Variants in OCSTAMP observed in about 807,000 individuals in gnomAD.
The protein encoded by OCSTAMP is osteoclast stimulatory transmembrane protein.
In OCSTAMP, 17 loss-of-function variants were observed where a neutral mutation model predicts 25.2. The observed-to-expected ratio is 0.68, with a 90% confidence interval of 0.46 to 1.01. The LOEUF (loss-of-function observed/expected upper bound fraction) is 1.01, where lower values mean the gene tolerates loss of function less well. Ranked by LOEUF, OCSTAMP falls within the 50% of genes least tolerant of loss-of-function variation. The probability of loss-of-function intolerance (pLI) is 0.00; values close to 1 mark genes in which losing one functional copy is unlikely to be tolerated. For synonymous variants in OCSTAMP, 345 were observed against 318.9 expected (o/e 1.08, Z -0.87); for missense variants, 664 against 694.6 (o/e 0.96, Z 0.50).
Position 46,546,152 on chromosome 20 carries a change from C to T in OCSTAMP, c.222G>A (p.Leu74=), listed in dbSNP as rs1050911892. 6.4e-7 allele frequency: 1 copy of T among 1,551,772 alleles called. No homozygotes were observed. Among genetic ancestry groups the T allele is most frequent in the Admixed American group, 2.0e-5 (1 of 51,016 alleles). The part of the protein sequence containing the change: ...GLVYHWLASL[L]LYPPGPSAMV... ...TGGCTGAAGGTCCAGGAGGATAAAG[C>T]AGCAAGGATGCCAGCCAGTGATAAA... The change falls in exon 2 of 3, where the codon CTG becomes CTA. Residue 74 remains leucine, a synonymous_variant. Transcript: ENST00000279028.
At position 46,549,962 on chromosome 20, in the gene OCSTAMP, C is replaced by T. The variant is rs1345296968; in HGVS notation, c.44+555G>A. Among the ~76,000 whole-genome samples the T allele has an allele frequency of 3.3e-5, 5 of 152,170 alleles. No individual in the cohort carries two copies. The East Asian group carries it at 9.7e-4, about 29-fold the overall frequency. ...TAGCTGGAGCTGAGTATCCACTACC[C>T]ACCTTTGACAGGGGAGCAGCCCTGC... On this transcript the variant is annotated intron_variant, in intron 1 of 2. Transcript: ENST00000279028.
In OCSTAMP at chr20:46,545,993, A is replaced by G. The variant is rs184507425; in HGVS notation, c.381T>C (p.Thr127=). 8.8e-3 allele frequency: 13,612 copies of G among 1,551,404 alleles called. 65 individuals carry two copies. Among genetic ancestry groups the G allele is most frequent in the Non-Finnish European group, 0.011 (12,384 of 1,146,992 alleles). ...GCACCACAGCAATGGCCAGGGTGGCAGTGCTGTAGGACAGGAGCAGCCGGC... is the reference window on the plus strand; with the variant it reads ...GCACCACAGCAATGGCCAGGGTGGCGGTGCTGTAGGACAGGAGCAGCCGGC... ...QGRRLLLSYS[T]ATLAIAVVPN... is the part of the protein sequence containing the mutation. The change falls in exon 2 of 3, where the codon ACT becomes ACC. Residue 127 remains threonine (T), a synonymous_variant. Transcript: ENST00000279028.
In OCSTAMP at chr20:46,545,925, C is replaced by T. The variant is rs1290698120; in HGVS notation, c.449G>A (p.Arg150Lys). 4 of 1,551,254 alleles carry T rather than the reference C, an allele frequency of 2.6e-6. No homozygotes were observed. The highest frequency in any genetic ancestry group is 2.0e-5 in the Admixed American group (1 of 50,998). Reference protein sequence around the residue: ...ANVGAAGQVLRCVTEGSLESL... With the variant: ...ANVGAAGQVLKCVTEGSLESL... Reference sequence around the variant, plus strand: ...CTCCAGGGAGCCCTCGGTGACACACCTCAGCACCTGCCCGGCCGCACCCAC... The same window carrying T: ...CTCCAGGGAGCCCTCGGTGACACACTTCAGCACCTGCCCGGCCGCACCCAC... Residue 150 changes from arginine (R) to lysine (K), a missense_variant, in exon 2 of 3, where the codon AGG becomes AAG. Physicochemically the swap from Arg to Lys is conservative, Grantham distance 26. Coordinates refer to ENST00000279028, the MANE Select transcript of OCSTAMP (RefSeq NM_080721.3).
chr20:46,543,623 TCCATGCCCAGCCC>T (rs954354196), intron 2 of OCSTAMP, among the ~76,000 whole-genome samples: 3 of 152,100 alleles, frequency 2.0e-5, no homozygotes, highest in Non-Finnish European at 4.4e-5. Flanking sequence ...GGCATGAGCC[TCCATGCCCAGCCC>T]CCTATTTTTC....
chr20:46,547,975 G>T (rs1217899921), intron 1 of OCSTAMP, among the ~76,000 whole-genome samples: 1 of 152,186 alleles, frequency 6.6e-6, no homozygotes, highest in Non-Finnish European at 1.5e-5. Context: ...GGTGGGGCTG[G>T]TCTTAGAATA....
In OCSTAMP at chr20:46,543,082, CAG is replaced by C. The variant is rs201905666; in HGVS notation, c.1048-1157_1048-1156del. 8.5e-3 allele frequency among the ~76,000 whole-genome samples: 1,289 copies of C among 152,232 alleles called. 8 individuals are homozygous for C. The highest frequency in any genetic ancestry group is 0.024 in the Middle Eastern group (7 of 294). ...AAGCCTCAGAGACTGACTCCTCGGCCAGAGTCATTCAGAAAAGTCAGATTGAA... is the reference window on the plus strand; with the variant it reads ...AAGCCTCAGAGACTGACTCCTCGGCCAGTCATTCAGAAAAGTCAGATTGAA... On this transcript the variant is annotated intron_variant, in intron 2 of 2. Transcript: ENST00000279028.
rs1481912719 is a variant in OCSTAMP, at chr20:46,546,327, C to T, written c.47G>A (p.Trp16Ter). Residue 16 changes from tryptophan (W) to a stop codon, truncating the protein, a stop_gained and splice_region_variant, in exon 2 of 3, where the codon TGG becomes TAG. Transcript: ENST00000279028. LOFTEE classifies it high-confidence loss of function. ...GAAEQLVKTG[W>*]RSWHLGFWKA... ...CCAGAACCCCAAGTGCCAGGACCTC[C>T]ACCTGCACACAAGGAAATTGAAGGG... The T allele has an allele frequency of 6.5e-7, 1 of 1,546,648 alleles. No homozygotes were observed. Among genetic ancestry groups the T allele is most frequent in the Non-Finnish European group, 8.7e-7 (1 of 1,145,120 alleles).
chr20:46,550,010 G>T (rs540292283), intron 1 of OCSTAMP, among the ~76,000 whole-genome samples: 3 of 152,284 alleles, frequency 2.0e-5, no homozygotes, highest in South Asian at 2.1e-4. Context: ...GCTGATCAAT[G>T]AACGGGTCCG....
intron 2 of OCSTAMP, among the ~76,000 whole-genome samples, chr20:46,543,305 C>CCTTCCTTT (rs1555872066): frequency 1.5e-4 from 19 of 128,398 alleles, no homozygotes; most frequent in African/African-American, 4.8e-4. Context: ...CTTTCTCTTT[C>CCTTCCTTT]CTTTCTTTCT....
At position 46,545,837 on chromosome 20, in the gene OCSTAMP, C is replaced by T. The variant is rs2061850152; in HGVS notation, c.537G>A (p.Gln179=). The T allele has an allele frequency of 6.4e-7, 1 of 1,551,308 alleles. No homozygotes were observed. The highest frequency in any genetic ancestry group is 2.4e-5 in the East Asian group (1 of 40,912). The part of the protein sequence containing the change: ...AASRALGPTG[Q]AGSRGLTFEA... ...CAAATGTCAGGCCCCGGCTGCCTGCCTGGCCTGTGGGGCCCAGAGCCCTGG... is the reference window on the plus strand; with the variant it reads ...CAAATGTCAGGCCCCGGCTGCCTGCTTGGCCTGTGGGGCCCAGAGCCCTGG... Residue 179 remains glutamine, a synonymous_variant, in exon 2 of 3, where the codon CAG becomes CAA. Transcript: ENST00000279028.
rs1265099487 is a variant in OCSTAMP at position 46,550,569 on chromosome 20, A to G, written c.-9T>C. On this transcript the variant is annotated 5_prime_UTR_variant, in exon 1 of 3. Coordinates refer to ENST00000279028, the MANE Select transcript of OCSTAMP (RefSeq NM_080721.3). Reference sequence around the variant, plus strand: ...CCTGGGTGGCCTGGCATGCTGTCCAAATGGCAGTGGTTTCAGGCGGGCGGT... The same window carrying G: ...CCTGGGTGGCCTGGCATGCTGTCCAGATGGCAGTGGTTTCAGGCGGGCGGT... 4.5e-6 allele frequency: 7 copies of G among 1,551,514 alleles called. No homozygotes were observed. The South Asian group carries it at 5.9e-5, about 13-fold the overall frequency.
chr20:46,541,009 G>T lies in OCSTAMP; in HGVS notation c.*265C>A. The T allele has an allele frequency of 2.6e-6, 1 of 379,734 alleles. No homozygotes were observed. The highest frequency in any genetic ancestry group is 4.8e-6 in the Non-Finnish European group (1 of 210,332). The allele number at this position is 379,734 out of a possible 1,614,324, so 23.5% of individuals were successfully genotyped here. On this transcript the variant is annotated 3_prime_UTR_variant, in exon 3 of 3. Coordinates refer to ENST00000279028, the MANE Select transcript of OCSTAMP (RefSeq NM_080721.3). The stretch of plus-strand genomic sequence containing the variant: ...CAATGGAAAGGCCCTGAAGGAATTT[G>T]AGGCAGAGGAATAACGTAATCTAAG...
In OCSTAMP at chr20:46,546,098, G is replaced by A. The variant is rs199966554; in HGVS notation, c.276C>T (p.Val92=). Residue 92 remains valine, a synonymous_variant, in exon 2 of 3, where the codon GTC becomes GTT. Coordinates refer to ENST00000279028, the MANE Select transcript of OCSTAMP (RefSeq NM_080721.3). ...AMVATVCGLL[V]FLSLGLVPPV... ...GGGGTACCAGGCCCAGGCTCAGGAA[G>A]ACCAGGAGGCCACAGACAGTGGCAA... 1.3e-6 allele frequency: 2 copies of A among 1,551,640 alleles called. No homozygotes were observed. Among genetic ancestry groups the A allele is most frequent in the Non-Finnish European group, 1.7e-6 (2 of 1,146,968 alleles).
chr20:46,547,092 G>A (rs564918602), intron 1 of OCSTAMP, among the ~76,000 whole-genome samples: 23 of 152,250 alleles, frequency 1.5e-4, no homozygotes, highest in African/African-American at 5.3e-4. Flanking sequence ...GAGAGAAAGA[G>A]GGGAGTCAAG....
At position 46,545,962 on chromosome 20, in the gene OCSTAMP, C is replaced by T. The variant is rs762261170; in HGVS notation, c.412G>A (p.Val138Ile). Residue 138 changes from valine to isoleucine, a missense_variant, in exon 2 of 3, where the codon GTC (valine) becomes ATC (isoleucine). Coordinates refer to ENST00000279028, the MANE Select transcript of OCSTAMP (RefSeq NM_080721.3). ...ATLAIAVVPN[V>I]LANVGAAGQV... ...CCGGCCGCACCCACGTTGGCCAGGACGTTGGGCACCACAGCAATGGCCAGG... is the reference window on the plus strand; with the variant it reads ...CCGGCCGCACCCACGTTGGCCAGGATGTTGGGCACCACAGCAATGGCCAGG... 1.8e-5 allele frequency: 28 copies of T among 1,551,434 alleles called. No homozygotes were observed. The highest frequency in any genetic ancestry group is 2.4e-5 in the East Asian group (1 of 40,922).
rs1436108132 is a variant in OCSTAMP at position 46,545,911 on chromosome 20, C to G, written c.463G>C (p.Gly155Arg). Residue 155 changes from glycine to arginine, a missense_variant, in exon 2 of 3, where the codon GGC becomes CGC. Physicochemically the swap from Gly to Arg is moderately radical, Grantham distance 125. Transcript: ENST00000279028. ...AGQVLRCVTE[G>R]SLESLLNTTH... is the part of the protein sequence containing the mutation. ...GTATTGAGGAGACTCTCCAGGGAGC[C>G]CTCGGTGACACACCTCAGCACCTGC... is the stretch of plus-strand genomic sequence containing the variant. The G allele has an allele frequency of 6.4e-7, 1 of 1,551,254 alleles. No homozygotes were observed. Among genetic ancestry groups the G allele is most frequent in the Non-Finnish European group, 8.7e-7 (1 of 1,147,010 alleles).
In OCSTAMP at chr20:46,541,648, G is replaced by A. The variant is rs1461364921; in HGVS notation, c.1327C>T (p.Arg443Cys). 2 of 1,551,042 alleles carry A rather than the reference G, an allele frequency of 1.3e-6. No homozygotes were observed. The highest frequency in any genetic ancestry group is 4.9e-5 in the East Asian group (2 of 40,916). Residue 443 changes from arginine (R) to cysteine (C), a missense_variant, in exon 3 of 3, where the codon CGC becomes TGC. Arg to Cys is a radical substitution (Grantham distance 180). Coordinates refer to ENST00000279028, the MANE Select transcript of OCSTAMP (RefSeq NM_080721.3). ...FFTAQEARRV[R>C]HLHARLQRRH... is the part of the protein sequence containing the mutation. ...CGCTGGAGCCGGGCGTGCAGGTGGC[G>A]GACCCTCCTCGCCTCCTGGGCTGTG... is the stretch of plus-strand genomic sequence containing the variant.
chr20:46,542,128 T>C (rs1290550524), intron 2 of OCSTAMP, among the ~76,000 whole-genome samples: 2 of 152,222 alleles, frequency 1.3e-5, no homozygotes, highest in Non-Finnish European at 2.9e-5. Context: ...ACCATACAAA[T>C]GTTACTAAGG....
At chr20:46,550,441 G>T (rs779201958) in intron 1 of OCSTAMP, 76 bp downstream of exon 1, 4 of 1,296,736 alleles carry the variant, frequency 3.1e-6, no homozygotes, top group South Asian at 2.6e-5. Flanking sequence ...TGAAGATTTG[G>T]GTTCATATCC....
Sources: gnomAD v4.1 joint callset for allele counts (sites outside exome capture counted in the v4.1 genomes callset) on GRCh38, gnomAD v4.1.1 for gene constraint, MANE v1.5 for transcripts, NCBI Gene and HGNC (gene_info 2026-07-23, HGNC 2026-07-21) for gene names.